The following ADAMTS17 variants were observed in gnomAD, a reference collection of about 807,000 sequenced individuals.
ADAMTS17 encodes ADAM metallopeptidase with thrombospondin type 1 motif 17.
A neutral mutation model predicts 141.5 loss-of-function variants in ADAMTS17; 113 were observed. The ratio of observed to expected loss-of-function variants is 0.80; its 90% confidence interval spans 0.69 to 0.93. The LOEUF (loss-of-function observed/expected upper bound fraction) is 0.93. Ranked by LOEUF, ADAMTS17 falls within the 40% of genes least tolerant of loss-of-function variation. The pLI is 0.00. For missense variants in ADAMTS17, 1,659 were observed against 1,517.9 expected (o/e 1.09, Z -1.54); for synonymous variants, 768 against 630.6 (o/e 1.22, Z -3.27).
chr15:100,093,142 A>C (rs966885182), intron 15 of ADAMTS17, among the ~76,000 whole-genome samples: 9 of 152,206 alleles, frequency 5.9e-5, no homozygotes, highest in African/African-American at 1.4e-4. Context: ...AACAGGCTGG[A>C]GGGCGATAAA....
At chr15:100,142,238 C>T (rs1319327267) in intron 10 of ADAMTS17, among the ~76,000 whole-genome samples, 1 of 152,162 alleles carries the variant, frequency 6.6e-6, no homozygotes, top group Non-Finnish European at 1.5e-5. Context: ...ATTTTGTCAC[C>T]CCAAGCATCT....
chr15:100,299,643 C>T (rs1949371648), intron 3 of ADAMTS17, among the ~76,000 whole-genome samples: 1 of 152,180 alleles, frequency 6.6e-6, no homozygotes, highest in South Asian at 2.1e-4. Flanking sequence ...CTTCTCTGCA[C>T]CTGGAATCCC....
intron 8 of ADAMTS17, among the ~76,000 whole-genome samples, chr15:100,187,026 A>G (rs1596223696): frequency 1.3e-5 from 2 of 152,060 alleles, no homozygotes; most frequent in Admixed American, 6.5e-5. Context: ...CCATTTGCAA[A>G]TAAGTTCTTT....
chr15:100,313,331 A>T (rs1343334672), intron 3 of ADAMTS17, among the ~76,000 whole-genome samples: 2 of 152,234 alleles, frequency 1.3e-5, no homozygotes, highest in African/African-American at 4.8e-5. Flanking sequence ...ACCACAACCA[A>T]ATGAGATTTA....
intron 3 of ADAMTS17, among the ~76,000 whole-genome samples, chr15:100,293,801 T>C (rs937199257): frequency 6.6e-6 from 1 of 152,238 alleles, no homozygotes; most frequent in Non-Finnish European, 1.5e-5. Flanking sequence ...TTTACAGTAG[T>C]AATTCAATAG....
chr15:100,211,077 G>A (rs1159330774), intron 7 of ADAMTS17, among the ~76,000 whole-genome samples: 8 of 150,734 alleles, frequency 5.3e-5, no homozygotes, highest in African/African-American at 1.2e-4. Context: ...TCCAGCCTGG[G>A]TGATAGAGCG....
intron 16 of ADAMTS17, 140 bp downstream of exon 16, chr15:100,053,757 A>C (rs2032325850): frequency 1.6e-6 from 2 of 1,218,890 alleles, no homozygotes; most frequent in Non-Finnish European, 2.4e-6. Flanking sequence ...AGGACTGAGC[A>C]GCAGGGGACG....
intron 18 of ADAMTS17, among the ~76,000 whole-genome samples, chr15:100,001,932 G>A (rs2060931706): frequency 7.6e-6 from 1 of 132,208 alleles, no homozygotes; most frequent in African/African-American, 2.9e-5. Context: ...TTGCACCACT[G>A]CACTCCAGCC....
rs2046299955 is a variant in ADAMTS17 at position 100,339,479 on chromosome 15, C to T, written c.450+1560G>A. ...GAAAAATGATGTGGCCCTTCCAGTC[C>T]CTCCCAGAACATGATACAGCCTTGA... On this transcript the variant is annotated intron_variant, in intron 2 of 21. Transcript: ENST00000268070. Among the ~76,000 whole-genome samples, 3 of 152,108 alleles carry T rather than the reference C, an allele frequency of 2.0e-5. 1 individual carries two copies. In the South Asian group the frequency reaches 6.2e-4, roughly 32 times the overall value.
At chr15:100,135,126 T>C (rs2038259321) in intron 10 of ADAMTS17, among the ~76,000 whole-genome samples, 1 of 152,182 alleles carries the variant, frequency 6.6e-6, no homozygotes, top group Non-Finnish European at 1.5e-5. Context: ...TGGTGTCAAC[T>C]GTTCGTTATG....
chr15:100,032,785 T>A (rs2030309028), intron 18 of ADAMTS17, among the ~76,000 whole-genome samples: 1 of 152,216 alleles, frequency 6.6e-6, no homozygotes, highest in African/African-American at 2.4e-5. Context: ...AGCTACTTAA[T>A]GACTAAGCGT....
chr15:100,282,052 TA>T (rs2044303012), intron 3 of ADAMTS17, among the ~76,000 whole-genome samples: 2 of 152,182 alleles, frequency 1.3e-5, no homozygotes. Context: ...CTAGATAACC[TA>T]TATCCCTGTA....
chr15:100,332,431 C>T (rs1252038975), intron 2 of ADAMTS17, among the ~76,000 whole-genome samples: 1 of 152,204 alleles, frequency 6.6e-6, no homozygotes, highest in African/African-American at 2.4e-5. Context: ...TGGAGCCCCG[C>T]GTGGGAGGAC....
At position 100,133,212 on chromosome 15, in the gene ADAMTS17, A is replaced by C. The variant is rs1395697856; in HGVS notation, c.1575+2T>G. 4 of 1,585,286 alleles carry C rather than the reference A, an allele frequency of 2.5e-6. No individual in the cohort carries two copies. The highest frequency in any genetic ancestry group is 3.4e-6 in the Non-Finnish European group (4 of 1,163,940). ...TGGGGGCAGTGGGAAGTCAGAGGTTACCTTGTCTGCCCCACACTCGGTGCC... is the reference window on the plus strand; with the variant it reads ...TGGGGGCAGTGGGAAGTCAGAGGTTCCCTTGTCTGCCCCACACTCGGTGCC... On this transcript the variant is annotated splice_donor_variant, in intron 11 of 21. Transcript: ENST00000268070. LOFTEE classifies it high-confidence loss of function.
At chr15:100,341,773 G>A (rs746825042) in intron 1 of ADAMTS17, 48 bp downstream of exon 1, 22 of 1,538,652 alleles carry the variant, frequency 1.4e-5, no homozygotes, top group Non-Finnish European at 1.8e-5. Context: ...GCAGAGGGAA[G>A]GTAGCCGCAG....
At chr15:100,019,550 G>A (rs764108393) in intron 18 of ADAMTS17, among the ~76,000 whole-genome samples, 25 of 152,174 alleles carry the variant, frequency 1.6e-4, no homozygotes, top group African/African-American at 2.7e-4. Flanking sequence ...TTGAGACCAC[G>A]GGCAACTGAA....
intron 7 of ADAMTS17, among the ~76,000 whole-genome samples, chr15:100,226,373 A>C (rs2141825359): frequency 6.6e-6 from 1 of 152,380 alleles, no homozygotes; most frequent in South Asian, 2.1e-4. Flanking sequence ...GGGGAAAAGG[A>C]GGCTTGGCCC....
At chr15:100,069,118 C>T (rs112642304) in intron 15 of ADAMTS17, among the ~76,000 whole-genome samples, 5,954 of 152,086 alleles carry the variant, frequency 0.039, 413 homozygotes, top group African/African-American at 0.14. Context: ...GTAGCTGATT[C>T]GGTCAACTGG....
intron 3 of ADAMTS17, among the ~76,000 whole-genome samples, chr15:100,284,051 G>C (rs1419576584): frequency 6.6e-6 from 1 of 152,204 alleles, no homozygotes; most frequent in African/African-American, 2.4e-5. Flanking sequence ...GTTGCAGTGA[G>C]CCAAGATCAC....
Sources: gnomAD v4.1 joint callset for allele counts (sites outside exome capture counted in the v4.1 genomes callset) on GRCh38, gnomAD v4.1.1 for gene constraint, MANE v1.5 for transcripts, NCBI Gene and HGNC (gene_info 2026-07-23, HGNC 2026-07-21) for gene names.